Variants in ANKS1B observed in about 807,000 individuals in gnomAD.
ANKS1B encodes ankyrin repeat and sterile alpha motif domain-containing protein 1B.
Under a neutral mutation model 148.3 loss-of-function variants are expected in ANKS1B, and 36 were observed. The ratio of observed to expected loss-of-function variants is 0.24; its 90% CI spans 0.19 to 0.32. ANKS1B has a LOEUF of 0.32. ANKS1B is among the 10% of genes least tolerant of loss of function. ANKS1B has a pLI of 1.00. For missense variants in ANKS1B, 1,157 were observed against 1,542.6 expected (o/e 0.75, Z 4.19); for synonymous variants, 542 against 560.8 (o/e 0.97, Z 0.47).
intron 15 of ANKS1B, among the ~76,000 whole-genome samples, chr12:99,124,488 G>A (rs1160793095): frequency 1.3e-5 from 2 of 151,098 alleles, no homozygotes; most frequent in African/African-American, 4.9e-5. Context: ...AGATTTCTGT[G>A]AGACATCTAA....
rs185944323 is a variant in ANKS1B, at chr12:99,336,039, T to C, written c.1756+63592A>G. Among the ~76,000 whole-genome samples, 266 of 152,282 alleles carry C rather than the reference T, an allele frequency of 1.7e-3. 1 individual carries two copies. The highest frequency in any genetic ancestry group is 6.2e-3 in the African/African-American group (258 of 41,568). Reference sequence around the variant, plus strand: ...CGCTAGCATTCACTATTATTGCCTGTCTTTTGGATAAAAGCCATTTTAATT... The same window carrying C: ...CGCTAGCATTCACTATTATTGCCTGCCTTTTGGATAAAAGCCATTTTAATT... On this transcript the variant is annotated intron_variant, in intron 12 of 26. Coordinates refer to ENST00000683438, the MANE Select transcript of ANKS1B (RefSeq NM_001352186.2).
At chr12:99,072,101 A>G (rs2046467694) in intron 16 of ANKS1B, among the ~76,000 whole-genome samples, 1 of 152,192 alleles carries the variant, frequency 6.6e-6, no homozygotes, top group South Asian at 2.1e-4. Flanking sequence ...TCTTATCTAG[A>G]AAATGAATAA....
At chr12:99,750,755 C>T (rs2061031492) in intron 8 of ANKS1B, among the ~76,000 whole-genome samples, 1 of 151,994 alleles carries the variant, frequency 6.6e-6, no homozygotes, top group Non-Finnish European at 1.5e-5. Flanking sequence ...GCCAAGTGAC[C>T]TTGAAAGGTT....
intron 16 of ANKS1B, chr12:99,080,085 G>A (rs2049151680): frequency 6.6e-6 from 1 of 152,168 alleles, no homozygotes; most frequent in East Asian, 1.9e-4. Context: ...TAAATATACC[G>A]CTTTAAGGCT....
chr12:99,548,185 C>T lies in ANKS1B; in HGVS notation c.1273-43544G>A, dbSNP rs192354806. Among the ~76,000 whole-genome samples, 34 of 152,232 alleles carry T rather than the reference C, an allele frequency of 2.2e-4. No homozygotes were observed. In the Middle Eastern group the frequency reaches 0.01, roughly 46 times the overall value. On this transcript the variant is annotated intron_variant, in intron 9 of 26. Transcript: ENST00000683438. ...AAGGTAAGCCTGAAATATATAATAG[C>T]ATATCATCAGAATTCATTCCACTGA...
intron 15 of ANKS1B, among the ~76,000 whole-genome samples, chr12:99,120,963 G>T (rs2062652269): frequency 6.6e-6 from 1 of 152,182 alleles, no homozygotes; most frequent in Non-Finnish European, 1.5e-5. Flanking sequence ...GGCTAGTAAA[G>T]CGTATCGCAT....
intron 1 of ANKS1B, among the ~76,000 whole-genome samples, chr12:99,841,174 A>G (rs1352248980): frequency 2.6e-5 from 4 of 152,134 alleles, no homozygotes; most frequent in Non-Finnish European, 5.9e-5. Context: ...AGATTAAATT[A>G]GATGTAAAGT....
chr12:99,147,755 A>T (rs891835020), intron 15 of ANKS1B, among the ~76,000 whole-genome samples: 3 of 152,078 alleles, frequency 2.0e-5, no homozygotes, highest in Admixed American at 6.6e-5. Context: ...AAAGGTGTAG[A>T]GCACCACCCT....
At chr12:99,131,129 C>T (rs539884899) in intron 15 of ANKS1B, among the ~76,000 whole-genome samples, 5 of 152,276 alleles carry the variant, frequency 3.3e-5, no homozygotes, top group African/African-American at 1.2e-4. Context: ...GTTGCCTACT[C>T]GTCTTTGCTT....
At chr12:99,182,664 T>G (rs991932898) in intron 14 of ANKS1B, among the ~76,000 whole-genome samples, 1 of 152,200 alleles carries the variant, frequency 6.6e-6, no homozygotes, top group East Asian at 1.9e-4. Context: ...TCCTTTCTTT[T>G]GGGTATATAC....
At position 99,590,292 on chromosome 12, in the gene ANKS1B, G is replaced by A. The variant is rs879856292; in HGVS notation, c.1272+64775C>T. ...CACACACACACACACACACACACAC[G>A]CTTATTTACCATCTAACTTCTCTAA... On this transcript the variant is annotated intron_variant, in intron 9 of 26. Coordinates refer to ENST00000683438, the MANE Select transcript of ANKS1B (RefSeq NM_001352186.2). Among the ~76,000 whole-genome samples the A allele has an allele frequency of 4.5e-5, 5 of 110,744 alleles. No individual in the cohort carries two copies. In the East Asian group the frequency reaches 1.3e-3, roughly 29 times the overall value. 72.7% of individuals were successfully genotyped at this position (110,744 alleles called of 152,430 possible). A position where few individuals can be genotyped will look rare whatever the true frequency, so the allele number is the denominator to read the frequency against.
intron 17 of ANKS1B, among the ~76,000 whole-genome samples, chr12:99,035,985 C>T (rs1238065069): frequency 1.3e-5 from 2 of 152,210 alleles, no homozygotes; most frequent in Non-Finnish European, 2.9e-5. Context: ...TTGGCTCTGA[C>T]AGCAGCTCTC....
At chr12:99,074,460 C>G (rs1262162671) in intron 16 of ANKS1B, among the ~76,000 whole-genome samples, 1 of 152,128 alleles carries the variant, frequency 6.6e-6, no homozygotes. Flanking sequence ...TGCGTGCTCT[C>G]ACGCCCAGCA....
chr12:99,128,641 C>T (rs1199466429), intron 15 of ANKS1B, among the ~76,000 whole-genome samples: 1 of 152,168 alleles, frequency 6.6e-6, no homozygotes, highest in African/African-American at 2.4e-5. Flanking sequence ...GAAATAAATC[C>T]TCAACACTTG....
At chr12:99,731,768 AG>A (rs2059184363) in intron 8 of ANKS1B, among the ~76,000 whole-genome samples, 1 of 152,188 alleles carries the variant, frequency 6.6e-6, no homozygotes, top group South Asian at 2.1e-4. Context: ...ATCTTAGCTA[AG>A]ACACAAAAAA....
chr12:99,463,032 A>G (rs1349472891), intron 10 of ANKS1B, among the ~76,000 whole-genome samples: 1 of 152,206 alleles, frequency 6.6e-6, no homozygotes. Context: ...TAAATTACTC[A>G]GTCTCAGGTA....
At chr12:98,988,278 C>A (rs1481919574) in intron 17 of ANKS1B, among the ~76,000 whole-genome samples, 5 of 152,124 alleles carry the variant, frequency 3.3e-5, no homozygotes, top group Non-Finnish European at 7.4e-5. Flanking sequence ...ATCACCTTAT[C>A]CCCTAGTAAT....
chr12:98,778,837 C>T (rs1189149843), intron 24 of ANKS1B, among the ~76,000 whole-genome samples: 3 of 152,154 alleles, frequency 2.0e-5, no homozygotes, highest in East Asian at 1.9e-4. Flanking sequence ...TCTACTTGGG[C>T]TCCCTACACA....
At chr12:99,335,591 C>G (rs1284645945) in intron 12 of ANKS1B, among the ~76,000 whole-genome samples, 1 of 152,090 alleles carries the variant, frequency 6.6e-6, no homozygotes, top group African/African-American at 2.4e-5. Context: ...TAAATGAGAA[C>G]ATGCAAGGTT....
Sources: allele counts gnomAD v4.1 joint callset (sites outside exome capture counted in the v4.1 genomes callset), GRCh38; gene constraint gnomAD v4.1.1; transcripts MANE v1.5; gene names NCBI Gene and HGNC (gene_info 2026-07-23, HGNC 2026-07-21).